The following WASF3 variants were observed in gnomAD, a reference collection of about 807,000 sequenced individuals.
The protein encoded by WASF3 is WASP family member 3, also known as actin-binding protein WASF3.
WASF3 carries 11 observed loss-of-function variants against 46.6 expected under a neutral mutation model. That is an observed-to-expected ratio of 0.24 (90% CI 0.15 to 0.39). The LOEUF (loss-of-function observed/expected upper bound fraction) is 0.39, where lower values mean the gene tolerates loss of function less well. WASF3 is among the 10% of genes least tolerant of loss of function. The probability of loss-of-function intolerance (pLI) is 1.00; values close to 1 mark genes in which losing one functional copy is unlikely to be tolerated. For synonymous variants in WASF3, 242 were observed against 259.7 expected, an observed-to-expected ratio of 0.93 and a Z score of 0.65; for missense variants, 576 against 669.8, an observed-to-expected ratio of 0.86 and a Z score of 1.55.
At chr13:26,617,938 TGAA>T (rs940307248) in intron 2 of WASF3, among the ~76,000 whole-genome samples, 4 of 152,176 alleles carry the variant, frequency 2.6e-5, no homozygotes, top group Non-Finnish European at 5.9e-5. Flanking sequence ...GGCTGCCTTG[TGAA>T]GAAGGTGCCT....
chr13:26,664,460 A>C (rs1379110003), intron 3 of WASF3, among the ~76,000 whole-genome samples: 1 of 152,248 alleles, frequency 6.6e-6, no homozygotes, highest in Admixed American at 6.5e-5. Flanking sequence ...AGGAATGTGG[A>C]AATGAGCCAC....
intron 8 of WASF3, among the ~76,000 whole-genome samples, chr13:26,681,775 A>G (rs916855578): frequency 5.3e-5 from 8 of 152,112 alleles, no homozygotes; most frequent in African/African-American, 9.7e-5. Context: ...CCACCCAGAC[A>G]TCATTCTGCC....
intron 3 of WASF3, among the ~76,000 whole-genome samples, chr13:26,653,812 T>G (rs559910677): frequency 3.3e-5 from 5 of 152,354 alleles, no homozygotes; most frequent in African/African-American, 1.2e-4. Flanking sequence ...TTCAAACTTA[T>G]ATACAACTGT....
intron 1 of WASF3, among the ~76,000 whole-genome samples, chr13:26,559,075 A>C (rs917163217): frequency 6.6e-6 from 1 of 152,204 alleles, no homozygotes; most frequent in Non-Finnish European, 1.5e-5. Flanking sequence ...CTTTAAAGCT[A>C]GTTCTTTTAT....
At chr13:26,675,589 A>G (rs1883043590) in intron 6 of WASF3, among the ~76,000 whole-genome samples, 1 of 150,772 alleles carries the variant, frequency 6.6e-6, no homozygotes, top group Non-Finnish European at 1.5e-5. Flanking sequence ...GTACATTTAT[A>G]ATAGTACCTT....
intron 6 of WASF3, among the ~76,000 whole-genome samples, chr13:26,674,403 A>G (rs1021008953): frequency 1.1e-4 from 16 of 152,150 alleles, no homozygotes; most frequent in African/African-American, 3.9e-4. Context: ...TTCCTCCCCC[A>G]CTTTTTTCCT....
rs2137505988 is a variant in WASF3, at chr13:26,679,597, A to G, written c.717-1457A>G. Among the ~76,000 whole-genome samples, 1 of 152,316 alleles carries G rather than the reference A, an allele frequency of 6.6e-6. No individual in the cohort carries two copies. Among genetic ancestry groups the G allele is most frequent in the African/African-American group, 2.4e-5 (1 of 41,574 alleles). ...GCTGGAGAACTCTGTTTCCTTTAAA[A>G]GGTTGCACTGTAAGCCAGTGACTCG... On this transcript the variant is annotated intron_variant, in intron 7 of 9. Coordinates refer to ENST00000335327, the MANE Select transcript of WASF3 (RefSeq NM_006646.6). The surrounding 1 kb of genome is among the most constrained non-coding windows in gnomAD (Gnocchi z 4.8).
chr13:26,573,154 A>C (rs1252125699), intron 1 of WASF3, among the ~76,000 whole-genome samples: 1 of 152,116 alleles, frequency 6.6e-6, no homozygotes, highest in African/African-American at 2.4e-5. Context: ...CTTCTATGGA[A>C]TTTAGTTGGC....
intron 1 of WASF3, among the ~76,000 whole-genome samples, chr13:26,590,999 T>C (rs1320952143): frequency 1.3e-5 from 2 of 151,864 alleles, no homozygotes; most frequent in East Asian, 3.9e-4. Flanking sequence ...GGGCAGAGAT[T>C]TGAAGGAGGT....
intron 3 of WASF3, among the ~76,000 whole-genome samples, chr13:26,645,170 GAAGT>G (rs1396273746): frequency 6.6e-6 from 1 of 152,190 alleles, no homozygotes; most frequent in East Asian, 1.9e-4. Flanking sequence ...GGATTTTGGG[GAAGT>G]AAGAGGTCAT....
At chr13:26,680,159 T>C in intron 7 of WASF3, 1 of 1,596,306 alleles carries the variant, frequency 6.3e-7, no homozygotes, top group East Asian at 2.2e-5. Flanking sequence ...GCAAAGAAAC[T>C]GGAGCAGGCA....
chr13:26,682,775 C>G lies in WASF3; in HGVS notation c.1152C>G (p.His384Gln). The G allele has an allele frequency of 6.2e-7, 1 of 1,612,346 alleles. No individual in the cohort carries two copies. Among genetic ancestry groups the G allele is most frequent in the Non-Finnish European group, 8.5e-7 (1 of 1,180,010 alleles). The change falls in exon 9 of 10, where the codon CAC becomes CAG. Residue 384 changes from histidine to glutamine, a missense_variant. Around this residue, in one of 3 missense-constraint regions of WASF3, gnomAD observed 295 missense variants for 291.5 expected, o/e 1.01. Transcript: ENST00000335327. The surrounding 1 kb of genome is among the most constrained non-coding windows in gnomAD (Gnocchi z 4.4). Reference protein sequence around the residue: ...SASSTHAAPPHPPSTGLLVTA... With the variant: ...SASSTHAAPPQPPSTGLLVTA... Reference sequence around the variant, plus strand: ...GCTCCACGCACGCAGCTCCTCCTCACCCACCCTCCACCGGGCTCCTGGTCA... The same window carrying G: ...GCTCCACGCACGCAGCTCCTCCTCAGCCACCCTCCACCGGGCTCCTGGTCA...
At chr13:26,570,592 A>T (rs1307936738) in intron 1 of WASF3, among the ~76,000 whole-genome samples, 1 of 152,076 alleles carries the variant, frequency 6.6e-6, no homozygotes, top group Non-Finnish European at 1.5e-5. Context: ...TACTCTAGAA[A>T]TTAATTACTC....
chr13:26,636,489 G>A (rs1422349887), intron 2 of WASF3, among the ~76,000 whole-genome samples: 1 of 152,224 alleles, frequency 6.6e-6, no homozygotes, highest in East Asian at 1.9e-4. Flanking sequence ...GCCCCGCCCT[G>A]CTTTGGCTCG....
intron 9 of WASF3, among the ~76,000 whole-genome samples, 193 bp from the exon 10 acceptor site, chr13:26,685,495 A>C (rs1017078570): frequency 2.6e-5 from 4 of 152,242 alleles, no homozygotes; most frequent in Non-Finnish European, 4.4e-5. Flanking sequence ...TTACAAAAAA[A>C]CTTCTCACTT....
upstream of WASF3, among the ~76,000 whole-genome samples, chr13:26,556,505 A>AT (rs1377245757): frequency 6.6e-6 from 1 of 152,204 alleles, no homozygotes; most frequent in African/African-American, 2.4e-5. Flanking sequence ...ATTACCAGCA[A>AT]TTTTTTAAAA....
intron 4 of WASF3, among the ~76,000 whole-genome samples, chr13:26,667,010 T>A (rs1183214827): frequency 1.3e-5 from 2 of 152,214 alleles, no homozygotes; most frequent in Non-Finnish European, 2.9e-5. Flanking sequence ...ACTTAATTTT[T>A]GGGACTAGAT....
intron 1 of WASF3, among the ~76,000 whole-genome samples, chr13:26,604,746 TTGGGCAAGA>T (rs1880743925): frequency 6.6e-6 from 1 of 152,154 alleles, no homozygotes; most frequent in Non-Finnish European, 1.5e-5. Context: ...ACAAAGTAGT[TTGGGCAAGA>T]AAATCTTTTT....
chr13:26,589,139 G>C (rs1397481121), intron 1 of WASF3, among the ~76,000 whole-genome samples: 1 of 152,114 alleles, frequency 6.6e-6, no homozygotes, highest in Non-Finnish European at 1.5e-5. Flanking sequence ...TTCCATGTCT[G>C]CTTTTCAAAT....
Sources: allele counts gnomAD v4.1 joint callset (sites outside exome capture counted in the v4.1 genomes callset), GRCh38; gene constraint gnomAD v4.1.1; regional missense constraint gnomAD v4.1.1; non-coding constraint Gnocchi (gnomAD v3.1); transcripts MANE v1.5; gene names NCBI Gene and HGNC (gene_info 2026-07-23, HGNC 2026-07-21).